Variants in UPP2 observed in about 807,000 individuals in gnomAD.
The protein encoded by UPP2 is UPase 2.
Under a neutral mutation model 26.7 loss-of-function variants are expected in UPP2, and 23 were observed. The ratio of observed to expected loss-of-function variants is 0.86; its 90% confidence interval spans 0.62 to 1.22. The LOEUF (loss-of-function observed/expected upper bound fraction) is 1.22. Among genes scored for constraint, UPP2 ranks in the 50% most tolerant of loss-of-function variants. The pLI, the probability that UPP2 is intolerant of heterozygous loss-of-function variation, is 0.00. For synonymous variants in UPP2, 127 were observed against 141.3 expected (o/e 0.90, Z 0.72); for missense variants, 387 against 396.7 (o/e 0.98, Z 0.21).
chr2:158,020,310 C>T (rs1574248626), intron 3 of UPP2, among the ~76,000 whole-genome samples: 1 of 152,162 alleles, frequency 6.6e-6, no homozygotes, highest in African/African-American at 2.4e-5. Flanking sequence ...GGCGTTAGTT[C>T]CAGCTCTTTC....
At chr2:158,128,839 C>G (rs1683746905) in intron 6 of UPP2, among the ~76,000 whole-genome samples, 1 of 151,284 alleles carries the variant, frequency 6.6e-6, no homozygotes, top group Middle Eastern at 3.4e-3. Context: ...AAGGGCTGAG[C>G]ACATACCAAT....
chr2:158,014,693 G>A (rs1683632294), intron 2 of UPP2, among the ~76,000 whole-genome samples: 1 of 152,096 alleles, frequency 6.6e-6, no homozygotes, highest in Admixed American at 6.5e-5. Context: ...ATACACTACT[G>A]ATTAATACAG....
At chr2:158,029,458 A>G (rs1267241383) in intron 3 of UPP2, among the ~76,000 whole-genome samples, 1 of 152,234 alleles carries the variant, frequency 6.6e-6, no homozygotes, top group Non-Finnish European at 1.5e-5. Context: ...TGCCATGCAG[A>G]TATTAGCTTT....
chr2:158,063,184 C>G (rs1682379837), intron 3 of UPP2, among the ~76,000 whole-genome samples: 1 of 152,194 alleles, frequency 6.6e-6, no homozygotes, highest in Non-Finnish European at 1.5e-5. Context: ...AGGCCCACAT[C>G]ACTCACCTGT....
At chr2:158,068,974 C>T (rs1174180411) in intron 3 of UPP2, among the ~76,000 whole-genome samples, 5 of 150,184 alleles carry the variant, frequency 3.3e-5, no homozygotes, top group Non-Finnish European at 7.4e-5. Flanking sequence ...CCCGCCACCA[C>T]GCCAGGCTAA....
intron 2 of UPP2, among the ~76,000 whole-genome samples, chr2:158,010,164 C>T (rs1312153672): frequency 1.3e-5 from 2 of 152,052 alleles, no homozygotes; most frequent in Non-Finnish European, 2.9e-5. Context: ...TCGAAAGCGA[C>T]AGAAGAATGA....
At chr2:158,023,921 T>C (rs1469167644) in intron 3 of UPP2, among the ~76,000 whole-genome samples, 2 of 152,104 alleles carry the variant, frequency 1.3e-5, no homozygotes, top group African/African-American at 4.8e-5. Flanking sequence ...CAGCTCTGGA[T>C]CCCCTCCCTC....
chr2:158,104,173 T>C (rs1683131840), intron 1 of UPP2, among the ~76,000 whole-genome samples: 1 of 152,192 alleles, frequency 6.6e-6, no homozygotes, highest in African/African-American at 2.4e-5. Context: ...AACTTAACTA[T>C]ATTGCAATGT....
At chr2:158,091,908 C>A (rs1180004161) in intron 3 of UPP2, among the ~76,000 whole-genome samples, 7 of 152,112 alleles carry the variant, frequency 4.6e-5, no homozygotes, top group Admixed American at 2.6e-4. Flanking sequence ...GTCAATGTTA[C>A]CCAGTTTATG....
chr2:158,036,827 C>T (rs1473085678), intron 3 of UPP2, among the ~76,000 whole-genome samples: 1 of 152,150 alleles, frequency 6.6e-6, no homozygotes, highest in East Asian at 1.9e-4. Context: ...GGGGCACAGT[C>T]AAAATTTCAC....
intron 3 of UPP2, among the ~76,000 whole-genome samples, chr2:158,052,708 G>C (rs911666987): frequency 6.6e-6 from 1 of 152,164 alleles, no homozygotes; most frequent in Non-Finnish European, 1.5e-5. Context: ...TGGCAGAAGT[G>C]GCTTGTCTTC....
intron 3 of UPP2, among the ~76,000 whole-genome samples, chr2:158,094,344 T>C (rs1370771144): frequency 1.3e-5 from 2 of 152,218 alleles, no homozygotes; most frequent in African/African-American, 4.8e-5. Flanking sequence ...TTAAATGTTT[T>C]AAAATTAAAA....
chr2:158,062,865 A>G lies in UPP2; in HGVS notation c.148-39175A>G, dbSNP rs147703114. ...CTGTTCTTGATAGGACTGCTATATT[A>G]CCTCAATTTATGAGAGGTGTGAAAC... On this transcript the variant is annotated intron_variant, in intron 3 of 9. Transcript: ENST00000605860. 3.2e-3 allele frequency among the ~76,000 whole-genome samples: 492 copies of G among 152,338 alleles called. 3 individuals are homozygous for G. Among genetic ancestry groups the G allele is most frequent in the African/African-American group, 0.011 (470 of 41,578 alleles).
chr2:158,030,329 T>C (rs1683904770), intron 3 of UPP2, among the ~76,000 whole-genome samples: 1 of 152,260 alleles, frequency 6.6e-6, no homozygotes, highest in Non-Finnish European at 1.5e-5. Context: ...CAAATTATTA[T>C]GAGTAGACAA....
intron 3 of UPP2, among the ~76,000 whole-genome samples, chr2:158,091,764 C>T (rs1682915892): frequency 6.6e-6 from 1 of 152,162 alleles, no homozygotes; most frequent in Non-Finnish European, 1.5e-5. Context: ...GCTTCTCTTC[C>T]TCCAGCAGAC....
chr2:158,050,108 G>A (rs1457186857), intron 3 of UPP2, among the ~76,000 whole-genome samples: 1 of 152,166 alleles, frequency 6.6e-6, no homozygotes, highest in Non-Finnish European at 1.5e-5. Flanking sequence ...ACAGAAAGTG[G>A]AGCGTTTTAT....
intron 2 of UPP2, among the ~76,000 whole-genome samples, chr2:158,113,985 C>A (rs1683370939): frequency 6.6e-6 from 1 of 152,174 alleles, no homozygotes; most frequent in Non-Finnish European, 1.5e-5. Flanking sequence ...ATGTCCTTTG[C>A]CATATGCAAT....
chr2:158,059,290 G>A (rs1682312748), intron 3 of UPP2, among the ~76,000 whole-genome samples: 1 of 152,208 alleles, frequency 6.6e-6, no homozygotes, highest in African/African-American at 2.4e-5. Context: ...TAATGAACTT[G>A]ACCATCAGGT....
intron 3 of UPP2, among the ~76,000 whole-genome samples, chr2:158,047,621 A>G (rs1684174982): frequency 6.6e-6 from 1 of 152,234 alleles, no homozygotes; most frequent in Non-Finnish European, 1.5e-5. Context: ...TTAGTGTCAT[A>G]TGTCAAAAAA....
Sources: allele counts gnomAD v4.1 joint callset (sites outside exome capture counted in the v4.1 genomes callset), GRCh38; gene constraint gnomAD v4.1.1; transcripts MANE v1.5; gene names NCBI Gene and HGNC (gene_info 2026-07-23, HGNC 2026-07-21).